PCGF5: variants seen among roughly 807,000 people sequenced by gnomAD.
The protein encoded by PCGF5 is polycomb group RING finger protein 5.
A neutral mutation model predicts 44.3 loss-of-function variants in PCGF5; 9 were observed. The ratio of observed to expected loss-of-function variants is 0.20; its 90% CI spans 0.12 to 0.35. PCGF5 has a LOEUF of 0.35. Among genes scored for constraint, PCGF5 ranks in the 10% least tolerant of loss-of-function variants. The pLI, the probability that PCGF5 is intolerant of heterozygous loss-of-function variation, is 1.00. For synonymous variants in PCGF5, 95 were observed against 102.5 expected, an observed-to-expected ratio of 0.93 and a Z score of 0.44; for missense variants, 146 against 305.3, an observed-to-expected ratio of 0.48 and a Z score of 3.89.
chr10:91,281,538 T>C lies in PCGF5; in HGVS notation c.*3222T>C, dbSNP rs1360196980. ...TGTCTCTTATGAATGGTTTCATATC[T>C]AAATAGGCTCTTGTAAGTTAATTTT... On this transcript the variant is annotated 3_prime_UTR_variant, in exon 10 of 10. Transcript: ENST00000336126. The C allele has an allele frequency of 2.0e-5, 3 of 152,608 alleles. No homozygotes were observed. The highest frequency in any genetic ancestry group is 7.2e-5 in the African/African-American group (3 of 41,462). 9.5% of individuals were successfully genotyped at this position (152,608 alleles called of 1,614,324 possible). A position where few individuals can be genotyped will look rare whatever the true frequency, so the allele number is the denominator to read the frequency against.
At chr10:91,258,204 A>G (rs1845805293) in intron 6 of PCGF5, among the ~76,000 whole-genome samples, 1 of 152,158 alleles carries the variant, frequency 6.6e-6, no homozygotes, top group Non-Finnish European at 1.5e-5. Context: ...AATGTTTTGG[A>G]ATTAGATCAT....
chr10:91,177,288 C>T (rs12265514), intron 1 of PCGF5, among the ~76,000 whole-genome samples: 2 of 151,770 alleles, frequency 1.3e-5, no homozygotes, highest in African/African-American at 4.8e-5. Flanking sequence ...GAGGGGTACC[C>T]GGCTGTGTGA....
At chr10:91,195,836 G>A (rs1367422104) in intron 1 of PCGF5, among the ~76,000 whole-genome samples, 1 of 151,392 alleles carries the variant, frequency 6.6e-6, no homozygotes, top group Non-Finnish European at 1.5e-5. Context: ...TTTATTTTGA[G>A]GAATAATCCC....
At chr10:91,238,613 T>C (rs796325209) in intron 2 of PCGF5, among the ~76,000 whole-genome samples, 195 of 110,302 alleles carry the variant, frequency 1.8e-3, no homozygotes, top group Middle Eastern at 4.6e-3. Flanking sequence ...TTTTTTTTTT[T>C]TTTTTTTTTT....
At chr10:91,200,951 G>C (rs1011971133) in intron 1 of PCGF5, among the ~76,000 whole-genome samples, 4 of 152,102 alleles carry the variant, frequency 2.6e-5, no homozygotes, top group African/African-American at 9.7e-5. Flanking sequence ...AAGGGGGAGG[G>C]TCAGGTGGGA....
intron 1 of PCGF5, among the ~76,000 whole-genome samples, chr10:91,193,311 G>T (rs1054933461): frequency 3.9e-5 from 6 of 152,172 alleles, no homozygotes; most frequent in African/African-American, 1.4e-4. Flanking sequence ...ACTAAGTAGA[G>T]GACCCAGCTC....
intron 2 of PCGF5, among the ~76,000 whole-genome samples, chr10:91,236,112 G>T (rs562564124): frequency 1.3e-5 from 2 of 152,092 alleles, no homozygotes; most frequent in Non-Finnish European, 2.9e-5. Context: ...AAAAAAATAT[G>T]ATATGAATTT....
intron 1 of PCGF5, among the ~76,000 whole-genome samples, chr10:91,193,562 A>G (rs574040712): frequency 1.3e-5 from 2 of 151,492 alleles, no homozygotes; most frequent in African/African-American, 4.9e-5. Flanking sequence ...GGGTAGTTGG[A>G]GGGGAGAGAG....
At chr10:91,271,018 CAT>C (rs1448835760) in intron 8 of PCGF5, among the ~76,000 whole-genome samples, 2 of 150,820 alleles carry the variant, frequency 1.3e-5, no homozygotes, top group African/African-American at 4.9e-5. Flanking sequence ...TTGCTTTACT[CAT>C]AAAACATCTG....
intron 7 of PCGF5, among the ~76,000 whole-genome samples, chr10:91,264,004 A>T (rs1480740538): frequency 2.0e-5 from 3 of 152,188 alleles, no homozygotes; most frequent in Non-Finnish European, 4.4e-5. Flanking sequence ...TTCAAATCTC[A>T]GGAAGGTGAA....
chr10:91,175,809 C>A (rs1843695382), intron 1 of PCGF5, among the ~76,000 whole-genome samples: 1 of 152,142 alleles, frequency 6.6e-6, no homozygotes, highest in Non-Finnish European at 1.5e-5. Context: ...TGTGTCTCTG[C>A]ACGTGAGATG....
chr10:91,189,412 A>G (rs991223305), intron 1 of PCGF5, among the ~76,000 whole-genome samples: 1 of 152,250 alleles, frequency 6.6e-6, no homozygotes, highest in Non-Finnish European at 1.5e-5. Context: ...GGTACATAGT[A>G]GACACACATA....
intron 2 of PCGF5, among the ~76,000 whole-genome samples, chr10:91,231,275 A>C (rs1844994813): frequency 6.6e-6 from 1 of 152,212 alleles, no homozygotes; most frequent in Admixed American, 6.5e-5. Flanking sequence ...GAGACTCATC[A>C]AACAACCTAG....
At chr10:91,272,450 G>C (rs565790324) in intron 9 of PCGF5, among the ~76,000 whole-genome samples, 4 of 151,922 alleles carry the variant, frequency 2.6e-5, no homozygotes, top group African/African-American at 9.7e-5. Context: ...TTTGAGACCA[G>C]TCTGGGCAAT....
In PCGF5 at chr10:91,251,458, A is replaced by G. The variant is rs1333034994; in HGVS notation, c.474+18A>G. 2 of 1,605,570 alleles carry G rather than the reference A, an allele frequency of 1.2e-6. No individual in the cohort carries two copies. Among genetic ancestry groups the G allele is most frequent in the Non-Finnish European group, 1.7e-6 (2 of 1,174,812 alleles). ...TAGTAAAGGTGAGTGAACAAGTACT[A>G]TGGTATTTTTATGATCAGTTTATAG... On this transcript the variant is annotated intron_variant, in intron 6 of 9. Transcript: ENST00000336126.
upstream of PCGF5, among the ~76,000 whole-genome samples, chr10:91,159,060 C>T (rs978229785): frequency 3.5e-4 from 54 of 152,126 alleles, no homozygotes; most frequent in African/African-American, 1.3e-3. Context: ...GAAATTGGAG[C>T]TAGAAAGATA....
chr10:91,162,894 C>T (rs1843412390), upstream of PCGF5: 1 of 147,912 alleles, frequency 6.8e-6, no homozygotes, highest in South Asian at 1.8e-4. Context: ...GCCGCCGCCG[C>T]CGCGGGCTCT....
intron 1 of PCGF5, among the ~76,000 whole-genome samples, chr10:91,201,649 A>G (rs1176885768): frequency 1.3e-5 from 2 of 151,976 alleles, no homozygotes; most frequent in East Asian, 3.9e-4. Flanking sequence ...AACAAAAACA[A>G]TGTCTGCAGA....
chr10:91,263,381 G>C (rs1845972004), intron 7 of PCGF5, among the ~76,000 whole-genome samples: 2 of 151,946 alleles, frequency 1.3e-5, no homozygotes, highest in South Asian at 2.1e-4. Context: ...AACATTTTGA[G>C]GTCCGTATAA....
Sources: gnomAD v4.1 joint callset for allele counts (sites outside exome capture counted in the v4.1 genomes callset) on GRCh38, gnomAD v4.1.1 for gene constraint, MANE v1.5 for transcripts, NCBI Gene and HGNC (gene_info 2026-07-23, HGNC 2026-07-21) for gene names.